The following SKAP2 variants were observed in gnomAD, a reference collection of about 807,000 sequenced individuals.
SKAP2 encodes src kinase-associated phosphoprotein 2.
A neutral mutation model predicts 54.9 loss-of-function variants in SKAP2; 28 were observed. The observed-to-expected ratio is 0.51, with a 90% CI of 0.38 to 0.70. SKAP2 has a LOEUF of 0.70. Among genes scored for constraint, SKAP2 ranks in the 30% least tolerant of loss-of-function variants. SKAP2 has a pLI of 0.00. For missense variants in SKAP2, 356 were observed against 424.1 expected, an observed-to-expected ratio of 0.84 and a Z score of 1.41; for synonymous variants, 137 against 134.3, an observed-to-expected ratio of 1.02 and a Z score of -0.14.
chr7:26,840,630 T>C (rs1020929650), intron 4 of SKAP2, among the ~76,000 whole-genome samples: 12 of 152,046 alleles, frequency 7.9e-5, no homozygotes, highest in African/African-American at 2.9e-4. Context: ...AACTCCAATA[T>C]ATCCAGCCAC....
chr7:26,761,015 G>A (rs1782917197), intron 4 of SKAP2, among the ~76,000 whole-genome samples: 1 of 152,164 alleles, frequency 6.6e-6, no homozygotes, highest in Non-Finnish European at 1.5e-5. Context: ...GGGATATCAG[G>A]GAAGAGGTAG....
chr7:26,658,848 AG>A, the SKAP2 span, among the ~76,000 whole-genome samples: 1 of 145,370 alleles, frequency 6.9e-6, no homozygotes, highest in African/African-American at 2.5e-5. Context: ...ACCAACTCCA[AG>A]TAGGAACAGA....
At chr7:26,743,455 TAA>T (rs1438661627) in intron 4 of SKAP2, among the ~76,000 whole-genome samples, 2 of 152,146 alleles carry the variant, frequency 1.3e-5, no homozygotes, top group African/African-American at 4.8e-5. Flanking sequence ...CTAAAGCAGT[TAA>T]AAGATTTCCC....
chr7:26,863,265 T>C (rs907423917), intron 1 of SKAP2, among the ~76,000 whole-genome samples: 4 of 152,172 alleles, frequency 2.6e-5, no homozygotes, highest in Non-Finnish European at 5.9e-5. Flanking sequence ...GAGTAACATA[T>C]AAAATGTGTC....
chr7:26,730,588 G>T (rs537607511), intron 6 of SKAP2, among the ~76,000 whole-genome samples: 1 of 152,034 alleles, frequency 6.6e-6, no homozygotes, highest in South Asian at 2.1e-4. Context: ...TGAGGTGTTT[G>T]TTCCTCTATT....
chr7:26,856,193 TA>T (rs3839808), intron 1 of SKAP2, among the ~76,000 whole-genome samples: 32,564 of 151,770 alleles, frequency 0.21, 3,589 homozygotes, highest in Non-Finnish European at 0.24. Context: ...TGTAATAATT[TA>T]AAAAAAATAG....
At chr7:26,753,106 A>G (rs1782720685) in intron 4 of SKAP2, among the ~76,000 whole-genome samples, 1 of 152,236 alleles carries the variant, frequency 6.6e-6, no homozygotes. Flanking sequence ...AAATAAAAGC[A>G]TACCACATGC....
chr7:26,819,345 C>G (rs1431916462), intron 4 of SKAP2, among the ~76,000 whole-genome samples: 1 of 152,078 alleles, frequency 6.6e-6, no homozygotes, highest in Admixed American at 6.5e-5. Flanking sequence ...CATGTTCTCA[C>G]TCATAAGTAG....
At chr7:26,724,426 G>C (rs1787652509) in intron 9 of SKAP2, among the ~76,000 whole-genome samples, 1 of 152,024 alleles carries the variant, frequency 6.6e-6, no homozygotes, top group Admixed American at 6.6e-5. Context: ...GGTACAGCCA[G>C]AATTTAAATT....
At chr7:26,733,384 T>C (rs1787860864) in intron 6 of SKAP2, among the ~76,000 whole-genome samples, 1 of 151,812 alleles carries the variant, frequency 6.6e-6, no homozygotes, top group African/African-American at 2.4e-5. Context: ...ATTACAATTA[T>C]AAAATGACAG....
intron 4 of SKAP2, among the ~76,000 whole-genome samples, chr7:26,799,647 C>T (rs966323913): frequency 1.3e-5 from 2 of 152,188 alleles, no homozygotes; most frequent in Middle Eastern, 3.2e-3. Flanking sequence ...GCATCACTCA[C>T]ATCTTCCAGA....
In SKAP2 at chr7:26,758,277, A is replaced by G. The variant is rs146729739; in HGVS notation, c.308-18313T>C. Among the ~76,000 whole-genome samples, 493 of 152,250 alleles carry G rather than the reference A, an allele frequency of 3.2e-3. 6 individuals are homozygous for G. Among genetic ancestry groups the G allele is most frequent in the African/African-American group, 0.011 (466 of 41,558 alleles). Reference sequence around the variant, plus strand: ...CTATACATTTAAAATTTTATATAATACAATTTTTAAAACTGTAAAACAAAA... The same window carrying G: ...CTATACATTTAAAATTTTATATAATGCAATTTTTAAAACTGTAAAACAAAA... On this transcript the variant is annotated intron_variant, in intron 4 of 12. Coordinates refer to ENST00000345317, the MANE Select transcript of SKAP2 (RefSeq NM_003930.5).
At chr7:26,763,157 T>A (rs996714634) in intron 4 of SKAP2, among the ~76,000 whole-genome samples, 4 of 152,182 alleles carry the variant, frequency 2.6e-5, no homozygotes, top group African/African-American at 9.7e-5. Context: ...ATTTACTTGC[T>A]TGAATATAAA....
At chr7:26,719,759 C>G (rs1437369473) in intron 9 of SKAP2, among the ~76,000 whole-genome samples, 1 of 152,166 alleles carries the variant, frequency 6.6e-6, no homozygotes, top group Admixed American at 6.5e-5. Context: ...TCCAGCTGAT[C>G]TCTTAAAACC....
chr7:26,730,264 A>G (rs187812145), intron 6 of SKAP2, among the ~76,000 whole-genome samples: 1 of 152,374 alleles, frequency 6.6e-6, no homozygotes, highest in East Asian at 1.9e-4. Flanking sequence ...TTTTTGGGAT[A>G]GTTTCAAGGA....
intron 4 of SKAP2, among the ~76,000 whole-genome samples, chr7:26,819,963 ATGTC>A (rs1784356831): frequency 1.3e-5 from 2 of 152,178 alleles, no homozygotes; most frequent in Admixed American, 1.3e-4. Context: ...ATAATATTCT[ATGTC>A]TGTATGTTTG....
At chr7:26,704,491 A>G (rs1442181146) in intron 9 of SKAP2, among the ~76,000 whole-genome samples, 2 of 152,220 alleles carry the variant, frequency 1.3e-5, no homozygotes, top group East Asian at 3.8e-4. Flanking sequence ...TCGTAATACG[A>G]AAGAATGGCA....
chr7:26,733,201 T>C (rs567509261), intron 6 of SKAP2, among the ~76,000 whole-genome samples: 1 of 152,198 alleles, frequency 6.6e-6, no homozygotes, highest in Non-Finnish European at 1.5e-5. Flanking sequence ...CAAAAGTCTA[T>C]AAAATTGTAA....
chr7:26,758,956 A>C (rs1562600011), intron 4 of SKAP2, among the ~76,000 whole-genome samples: 2 of 152,232 alleles, frequency 1.3e-5, no homozygotes, highest in Admixed American at 6.5e-5. Flanking sequence ...TCTTGTTTAG[A>C]AAGCTGGCAT....
Sources: allele counts gnomAD v4.1 joint callset (sites outside exome capture counted in the v4.1 genomes callset), GRCh38; gene constraint gnomAD v4.1.1; transcripts MANE v1.5; gene names NCBI Gene and HGNC (gene_info 2026-07-23, HGNC 2026-07-21).